The following RBFOX1 variants were observed in gnomAD, a reference collection of about 807,000 sequenced individuals.
RBFOX1 encodes RNA binding fox-1 homolog 1.
Under a neutral mutation model 57.7 loss-of-function variants are expected in RBFOX1, and 8 were observed. The observed-to-expected ratio is 0.14, with a 90% confidence interval of 0.08 to 0.25. The LOEUF is 0.25. RBFOX1 is among the 10% of genes least tolerant of loss of function. The pLI, the probability that RBFOX1 is intolerant of heterozygous loss-of-function variation, is 1.00. For synonymous variants in RBFOX1, 326 were observed against 222.4 expected, an observed-to-expected ratio of 1.47 and a Z score of -4.15; for missense variants, 611 against 548.5, an observed-to-expected ratio of 1.11 and a Z score of -1.14.
At chr16:6,886,307 C>G (rs1481264714) in intron 3 of RBFOX1, among the ~76,000 whole-genome samples, 2 of 151,886 alleles carry the variant, frequency 1.3e-5, no homozygotes, top group African/African-American at 2.4e-5. Flanking sequence ...CGTGATCTGC[C>G]CACCTCGACC....
intron 1 of RBFOX1, among the ~76,000 whole-genome samples, chr16:5,252,467 A>T (rs551580499): frequency 6.6e-6 from 1 of 152,282 alleles, no homozygotes; most frequent in South Asian, 2.1e-4. Context: ...GGGGGTTATC[A>T]GTGTGCATTT....
chr16:6,977,519 C>G (rs1174459650), intron 3 of RBFOX1, among the ~76,000 whole-genome samples: 1 of 152,082 alleles, frequency 6.6e-6, no homozygotes, highest in Non-Finnish European at 1.5e-5. Flanking sequence ...CCAGCCCTCA[C>G]TCAAAATGGA....
rs1019312934 is a variant in RBFOX1, at chr16:7,000,169, GA to G, written c.-15-51879del. 3.1e-3 allele frequency among the ~76,000 whole-genome samples: 474 copies of G among 150,680 alleles called. 1 individual carries two copies. Among genetic ancestry groups the G allele is most frequent in the Non-Finnish European group, 4.6e-3 (313 of 67,706 alleles). On this transcript the variant is annotated intron_variant, in intron 3 of 15. Transcript: ENST00000550418. ...CAATTAGAATATGAGAATTCTTAAG[GA>G]AAAAAAAAGTACTGTCATTAGCGTT...
At chr16:5,687,624 G>T (rs2050545009) in intron 3 of RBFOX1, among the ~76,000 whole-genome samples, 1 of 152,090 alleles carries the variant, frequency 6.6e-6, no homozygotes, top group South Asian at 2.1e-4. Context: ...AGTCATTGTA[G>T]CGTCACCATG....
intron 1 of RBFOX1, among the ~76,000 whole-genome samples, chr16:6,060,209 G>C (rs1234141270): frequency 7.3e-6 from 1 of 137,736 alleles, no homozygotes; most frequent in Admixed American, 7.8e-5. Flanking sequence ...GAAGGAATAA[G>C]TTTGTTGCTA....
At chr16:6,181,627 TG>T (rs2097063569) in intron 1 of RBFOX1, among the ~76,000 whole-genome samples, 2 of 151,892 alleles carry the variant, frequency 1.3e-5, no homozygotes, top group Admixed American at 6.6e-5. Flanking sequence ...ATTCCTGTGG[TG>T]GGGGGGAGGA....
At chr16:7,335,244 C>T (rs945412656) in intron 4 of RBFOX1, among the ~76,000 whole-genome samples, 1 of 152,212 alleles carries the variant, frequency 6.6e-6, no homozygotes, top group African/African-American at 2.4e-5. Context: ...TCACTAGTTT[C>T]TTGACCTTAT....
intron 1 of RBFOX1, among the ~76,000 whole-genome samples, chr16:5,251,450 G>T (rs1302087357): frequency 1.3e-5 from 2 of 152,166 alleles, no homozygotes; most frequent in Non-Finnish European, 2.9e-5. Context: ...TTTACCGGGG[G>T]CATTGTCTTA....
chr16:5,740,529 G>T (rs2052736049), intron 3 of RBFOX1, among the ~76,000 whole-genome samples: 1 of 152,190 alleles, frequency 6.6e-6, no homozygotes, highest in Admixed American at 6.5e-5. Flanking sequence ...GATTACACGT[G>T]ACTGAAAACC....
chr16:5,693,733 A>T (rs1187180419), intron 3 of RBFOX1, among the ~76,000 whole-genome samples: 1 of 152,150 alleles, frequency 6.6e-6, no homozygotes, highest in Non-Finnish European at 1.5e-5. Context: ...TTCCCATTCT[A>T]TCCAAGATCA....
At chr16:7,237,832 C>A (rs994208932) in intron 4 of RBFOX1, among the ~76,000 whole-genome samples, 46 of 152,264 alleles carry the variant, frequency 3.0e-4, no homozygotes, top group African/African-American at 1.1e-3. Flanking sequence ...GTGGTGAAAA[C>A]TCAACTACTC....
At chr16:5,688,033 A>G (rs1257560054) in intron 3 of RBFOX1, among the ~76,000 whole-genome samples, 1 of 152,228 alleles carries the variant, frequency 6.6e-6, no homozygotes, top group Non-Finnish European at 1.5e-5. Flanking sequence ...TCAGAAATCA[A>G]TACAAAATTT....
chr16:5,982,405 G>A (rs1056873525), intron 4 of RBFOX1, among the ~76,000 whole-genome samples: 1 of 152,038 alleles, frequency 6.6e-6, no homozygotes, highest in African/African-American at 2.4e-5. Context: ...CTCCCAAGTA[G>A]CTGGGATTAC....
At chr16:7,709,221 C>T (rs1393944140) in intron 15 of RBFOX1, 90 bp downstream of exon 15, 14 of 1,250,150 alleles carry the variant, frequency 1.1e-5, no homozygotes, top group Non-Finnish European at 1.6e-5. Context: ...CGTCCTCTCA[C>T]TTCCCGTTAA....
At chr16:6,079,454 T>A (rs2095964831) in intron 1 of RBFOX1, among the ~76,000 whole-genome samples, 1 of 152,184 alleles carries the variant, frequency 6.6e-6, no homozygotes, top group South Asian at 2.1e-4. Context: ...TGGGACCACA[T>A]GTGTGTGCCA....
intron 1 of RBFOX1, among the ~76,000 whole-genome samples, chr16:5,402,358 C>T (rs937588510): frequency 1.3e-5 from 2 of 152,186 alleles, no homozygotes; most frequent in Non-Finnish European, 2.9e-5. Flanking sequence ...TGCACGCATG[C>T]ACATAGGCCA....
At chr16:7,362,247 AT>A (rs1291941345) in intron 4 of RBFOX1, among the ~76,000 whole-genome samples, 5 of 143,994 alleles carry the variant, frequency 3.5e-5, no homozygotes, top group East Asian at 2.1e-4. Context: ...GTGTTAGTAT[AT>A]TTTTTGTTAG....
At chr16:7,659,591 A>G (rs1185333274) in intron 12 of RBFOX1, among the ~76,000 whole-genome samples, 1 of 152,190 alleles carries the variant, frequency 6.6e-6, no homozygotes, top group Non-Finnish European at 1.5e-5. Context: ...GAGCAAAAAA[A>G]GAAAAAAGAA....
At chr16:6,356,294 G>A (rs768837903) in intron 2 of RBFOX1, among the ~76,000 whole-genome samples, 1 of 152,166 alleles carries the variant, frequency 6.6e-6, no homozygotes, top group Non-Finnish European at 1.5e-5. Context: ...AACATCCTCA[G>A]CCAACAGATC....
Sources: gnomAD v4.1 joint callset for allele counts (sites outside exome capture counted in the v4.1 genomes callset) on GRCh38, gnomAD v4.1.1 for gene constraint, MANE v1.5 for transcripts, NCBI Gene and HGNC (gene_info 2026-07-23, HGNC 2026-07-21) for gene names.